AMZ1: variants seen among roughly 807,000 people sequenced by gnomAD.
The protein encoded by AMZ1 is archaelysin family metallopeptidase 1.
A neutral mutation model predicts 29.9 loss-of-function variants in AMZ1; 39 were observed. The ratio of observed to expected loss-of-function variants is 1.30; its 90% CI spans 1.01 to 1.70. AMZ1 has a LOEUF of 1.70. AMZ1 is among the 40% of genes most tolerant of loss of function. AMZ1 has a pLI of 0.00. For missense variants in AMZ1, 1,041 were observed against 680.6 expected (o/e 1.53, Z -5.89); for synonymous variants, 458 against 304.0 (o/e 1.51, Z -5.27).
Position 2,754,643 on chromosome 7 carries a change from G to T in AMZ1, n.551-10069G>T, listed in dbSNP as rs558923475. Among the ~76,000 whole-genome samples, 238 of 152,174 alleles carry T rather than the reference G, an allele frequency of 1.6e-3. 2 individuals carry two copies. Among genetic ancestry groups the T allele is most frequent in the Middle Eastern group, 0.01 (3 of 294 alleles). ...CGTTCCTGTAGTCCCAGCTATTAGG[G>T]GAGGCTGGGACAAGAGGACTGCTTG... On this transcript the variant is annotated intron_variant and non_coding_transcript_variant, in intron 4 of 4. Transcript: ENST00000489665.
At chr7:2,686,872 G>T (rs1249542929), upstream of AMZ1, among the ~76,000 whole-genome samples, 1 of 151,826 alleles carries the variant, frequency 6.6e-6, no homozygotes. Context: ...CAGCCACCAC[G>T]CCCAGCTAAT....
At chr7:2,708,565 A>G (rs1239865766) in intron 3 of AMZ1, 23 bp from the exon 4 acceptor site, 1 of 1,610,988 alleles carries the variant, frequency 6.2e-7, no homozygotes, top group Non-Finnish European at 8.5e-7. Context: ...TCCTGACCCC[A>G]TCCTCTGGCC....
intron 4 of AMZ1, among the ~76,000 whole-genome samples, chr7:2,736,616 G>A (rs1490016009): frequency 1.3e-5 from 2 of 152,218 alleles, no homozygotes; most frequent in South Asian, 2.1e-4. Flanking sequence ...ATGTGATGTC[G>A]TGACACTGGG....
At position 2,717,485 on chromosome 7, in the gene AMZ1, C is replaced by T. The variant is rs978254795; in HGVS notation, c.*4607C>T. Among the ~76,000 whole-genome samples, 1 of 152,222 alleles carries T rather than the reference C, an allele frequency of 6.6e-6. No individual in the cohort carries two copies. Among genetic ancestry groups the T allele is most frequent in the African/African-American group, 2.4e-5 (1 of 41,460 alleles). ...ACCCAAGGGCTCTCTGGAGCTCACC[C>T]CGCACGCAGGCTGCTCCAGAGCTGA... On this transcript the variant is annotated 3_prime_UTR_variant, in exon 7 of 7. Transcript: ENST00000683327.
chr7:2,705,612 G>A (rs1033461077), intron 3 of AMZ1, among the ~76,000 whole-genome samples: 1 of 152,192 alleles, frequency 6.6e-6, no homozygotes, highest in Non-Finnish European at 1.5e-5. Flanking sequence ...TTTGGCGGGA[G>A]GGTTGTCTAA....
At chr7:2,751,304 T>A (rs566141971) in intron 4 of AMZ1, among the ~76,000 whole-genome samples, 34 of 150,016 alleles carry the variant, frequency 2.3e-4, no homozygotes, top group Admixed American at 8.7e-4. Context: ...GGTGGGAGGA[T>A]CACTTCAACC....
chr7:2,680,684 C>T lies in AMZ1; in HGVS notation c.-219+1013C>T, dbSNP rs568079915. Among the ~76,000 whole-genome samples, 14 of 152,348 alleles carry T rather than the reference C, an allele frequency of 9.2e-5. 1 individual carries two copies. Among genetic ancestry groups the T allele is most frequent in the African/African-American group, 2.4e-4 (10 of 41,582 alleles). ...CCAGCTCTGGTCTCTTGGACGAAGC[C>T]GCTGGGCCGTGGGTTCAGCCTCCTC... is the stretch of plus-strand genomic sequence containing the variant. On this transcript the variant is annotated intron_variant, in intron 1 of 6. Transcript: ENST00000312371.
At chr7:2,708,064 C>T (rs117317329) in intron 3 of AMZ1, among the ~76,000 whole-genome samples, 575 of 152,118 alleles carry the variant, frequency 3.8e-3, no homozygotes, top group Admixed American at 6.7e-3. Flanking sequence ...CTCAGGTGAT[C>T]TGCCCATCTT....
chr7:2,710,698 G>A (rs1045645012), intron 6 of AMZ1, among the ~76,000 whole-genome samples: 1 of 152,252 alleles, frequency 6.6e-6, no homozygotes, highest in East Asian at 1.9e-4. Flanking sequence ...GAAGACTCTG[G>A]CAGTCAAGGG....
intron 4 of AMZ1, among the ~76,000 whole-genome samples, chr7:2,758,911 G>A (rs1051672870): frequency 9.2e-5 from 14 of 152,092 alleles, no homozygotes; most frequent in Admixed American, 3.9e-4. Context: ...CTGGGAGGCC[G>A]AGGTGGATCA....
At chr7:2,755,175 A>G (rs1329222873) in intron 4 of AMZ1, among the ~76,000 whole-genome samples, 1 of 151,962 alleles carries the variant, frequency 6.6e-6, no homozygotes, top group African/African-American at 2.4e-5. Flanking sequence ...GCAGGGAGAC[A>G]ACAGGCCTTG....
At chr7:2,733,963 G>A (rs1243571690) in intron 4 of AMZ1, among the ~76,000 whole-genome samples, 1 of 152,242 alleles carries the variant, frequency 6.6e-6, no homozygotes, top group African/African-American at 2.4e-5. Context: ...TGACGAAAAG[G>A]AGCATCTAGC....
Position 2,707,171 on chromosome 7 carries a change from G to C in AMZ1, c.473-1417G>C, listed in dbSNP as rs137909346. 1.5e-3 allele frequency among the ~76,000 whole-genome samples: 223 copies of C among 152,124 alleles called. 1 individual carries two copies. The highest frequency in any genetic ancestry group is 5.3e-3 in the African/African-American group (219 of 41,484). On this transcript the variant is annotated intron_variant, in intron 3 of 6. Coordinates refer to ENST00000683327, the MANE Select transcript of AMZ1 (RefSeq NM_001384743.1). ...GCCTGTAATCCCTGCTACTCAGGAA[G>C]CTGAGGCAGGAGAATGGCTTGAACC...
chr7:2,727,406 CT>C (rs1353779217), intron 4 of AMZ1, among the ~76,000 whole-genome samples: 1 of 152,058 alleles, frequency 6.6e-6, no homozygotes, highest in Non-Finnish European at 1.5e-5. Context: ...AAGATGGGGT[CT>C]TTGCTCTTGC....
At chr7:2,726,884 T>A (rs1170342338) in intron 4 of AMZ1, among the ~76,000 whole-genome samples, 1 of 152,162 alleles carries the variant, frequency 6.6e-6, no homozygotes, top group African/African-American at 2.4e-5. Flanking sequence ...CCCCAGGGGT[T>A]GTGAGGACAG....
rs778683046 is a variant in AMZ1, at chr7:2,708,751, T to G, written c.601+35T>G. The G allele has an allele frequency of 3.1e-6, 5 of 1,610,542 alleles. No individual in the cohort carries two copies. In the South Asian group the frequency reaches 4.4e-5, roughly 14 times the overall value. ...GGCCCCAGCAGCTGTGCGTGGGGGG[T>G]AGCCTGGCATGGGGCTGTGGCCTCC... On this transcript the variant is annotated intron_variant, in intron 4 of 6. Transcript: ENST00000683327.
chr7:2,735,508 G>A (rs1181605593), intron 4 of AMZ1, among the ~76,000 whole-genome samples: 1 of 152,146 alleles, frequency 6.6e-6, no homozygotes, highest in Admixed American at 6.5e-5. Flanking sequence ...CACCACAGAG[G>A]GCACAATCAG....
rs925753127 is a variant in AMZ1 at position 2,713,084 on chromosome 7, A to G, written c.*206A>G. 17 of 474,456 alleles carry G rather than the reference A, an allele frequency of 3.6e-5. No individual in the cohort carries two copies. Among genetic ancestry groups the G allele is most frequent in the Non-Finnish European group, 4.9e-5 (14 of 285,674 alleles). 29.4% of individuals were successfully genotyped at this position (474,456 alleles called of 1,614,324 possible). On this transcript the variant is annotated 3_prime_UTR_variant, in exon 7 of 7. Transcript: ENST00000683327. ...GAGACTCTGCCTCTACAAAAGAAAA[A>G]TTAAAAAATTAGCTGGATGAAGTGG...
At chr7:2,737,332 C>T (rs867409938) in intron 4 of AMZ1, among the ~76,000 whole-genome samples, 47 of 133,030 alleles carry the variant, frequency 3.5e-4, no homozygotes, top group South Asian at 1.5e-3. Flanking sequence ...CCTGTCGCCC[C>T]GGCTGGAGTG....
Sources: allele counts gnomAD v4.1 joint callset (sites outside exome capture counted in the v4.1 genomes callset), GRCh38; gene constraint gnomAD v4.1.1; transcripts MANE v1.5; gene names NCBI Gene and HGNC (gene_info 2026-07-23, HGNC 2026-07-21).